Variants in KCNIP4 observed in about 807,000 individuals in gnomAD.
KCNIP4 encodes Kv channel-interacting protein 4.
Under a neutral mutation model 34.0 loss-of-function variants are expected in KCNIP4, and 12 were observed. The ratio of observed to expected loss-of-function variants is 0.35; its 90% CI spans 0.23 to 0.57. The LOEUF (loss-of-function observed/expected upper bound fraction) is 0.57, where lower values mean the gene tolerates loss of function less well. KCNIP4 is among the 20% of genes least tolerant of loss of function. The pLI is 0.83. For missense variants in KCNIP4, 238 were observed against 311.7 expected (o/e 0.76, Z 1.78); for synonymous variants, 124 against 102.2 (o/e 1.21, Z -1.29).
At chr4:21,686,600 A>C (rs1013755426) in intron 1 of KCNIP4, among the ~76,000 whole-genome samples, 1 of 152,202 alleles carries the variant, frequency 6.6e-6, no homozygotes, top group Admixed American at 6.5e-5. Context: ...TTTTTAAATA[A>C]ATGAGCAAAT....
chr4:20,748,267 G>A (rs1187434740), intron 5 of KCNIP4, among the ~76,000 whole-genome samples: 1 of 151,876 alleles, frequency 6.6e-6, no homozygotes, highest in Non-Finnish European at 1.5e-5. Flanking sequence ...TGATTTACAC[G>A]TTTCCCTTGG....
intron 1 of KCNIP4, among the ~76,000 whole-genome samples, chr4:21,833,539 G>T (rs1254519053): frequency 3.3e-5 from 5 of 152,100 alleles, no homozygotes; most frequent in Admixed American, 1.3e-4. Flanking sequence ...CATTTTGTAG[G>T]TTGCCTGTTC....
chr4:21,433,253 C>G (rs1726650994), intron 1 of KCNIP4, among the ~76,000 whole-genome samples: 1 of 152,124 alleles, frequency 6.6e-6, no homozygotes, highest in Non-Finnish European at 1.5e-5. Flanking sequence ...TAGTGATCAG[C>G]CATCAAAAGA....
At chr4:21,414,721 T>C (rs531658766) in intron 1 of KCNIP4, among the ~76,000 whole-genome samples, 17 of 152,186 alleles carry the variant, frequency 1.1e-4, no homozygotes, top group Non-Finnish European at 2.2e-4. Context: ...GAAAATGTGG[T>C]ACATACAATG....
At chr4:21,458,506 G>A (rs1311279746) in intron 1 of KCNIP4, among the ~76,000 whole-genome samples, 5 of 151,944 alleles carry the variant, frequency 3.3e-5, no homozygotes, top group Non-Finnish European at 7.4e-5. Flanking sequence ...ATGTCCCACC[G>A]AATAGCTCCC....
chr4:21,777,856 A>G (rs1448289143), intron 1 of KCNIP4, among the ~76,000 whole-genome samples: 1 of 152,196 alleles, frequency 6.6e-6, no homozygotes, highest in African/African-American at 2.4e-5. Context: ...CCTCTTATAT[A>G]CAGCCATTAA....
rs557659033 is a variant in KCNIP4 at position 20,766,013 on chromosome 4, G to A, written c.289-7123C>T. 7.2e-5 allele frequency among the ~76,000 whole-genome samples: 11 copies of A among 152,184 alleles called. No homozygotes were observed. In the South Asian group the frequency reaches 2.3e-3, roughly 32 times the overall value. On this transcript the variant is annotated intron_variant, in intron 3 of 8. Transcript: ENST00000382152. ...ATCAGCATAAAGTAATACTTTATTG[G>A]TATTGATATTTTATAATTATTAATG...
intron 4 of KCNIP4, among the ~76,000 whole-genome samples, chr4:20,755,952 T>A (rs531756370): frequency 6.6e-6 from 1 of 152,068 alleles, no homozygotes; most frequent in East Asian, 1.9e-4. Context: ...TAGCCACCAT[T>A]TGTAGGCCAC....
At chr4:21,321,660 C>G (rs1424279251) in intron 1 of KCNIP4, among the ~76,000 whole-genome samples, 6 of 90,100 alleles carry the variant, frequency 6.7e-5, no homozygotes, top group Non-Finnish European at 9.1e-5. Flanking sequence ...AAGGAAGAAA[C>G]AAGGAAGGAG....
chr4:21,072,360 T>C (rs573845690), intron 1 of KCNIP4, among the ~76,000 whole-genome samples: 1 of 152,186 alleles, frequency 6.6e-6, no homozygotes, highest in African/African-American at 2.4e-5. Flanking sequence ...TGGTATCTCA[T>C]TGTGGTTTTG....
At chr4:21,006,067 CAAGGTACACA>C (rs1447396371) in intron 1 of KCNIP4, among the ~76,000 whole-genome samples, 1 of 152,102 alleles carries the variant, frequency 6.6e-6, no homozygotes, top group Non-Finnish European at 1.5e-5. Context: ...CGCATCTCAA[CAAGGTACACA>C]AACCAGAATT....
At chr4:20,896,280 A>G (rs1726521295) in intron 1 of KCNIP4, among the ~76,000 whole-genome samples, 1 of 152,184 alleles carries the variant, frequency 6.6e-6, no homozygotes, top group Non-Finnish European at 1.5e-5. Context: ...TGGCCCCTGT[A>G]GGAATTTAAC....
chr4:21,871,149 A>G (rs1725772857), intron 1 of KCNIP4, among the ~76,000 whole-genome samples: 1 of 151,512 alleles, frequency 6.6e-6, no homozygotes, highest in African/African-American at 2.4e-5. Flanking sequence ...CATGTGCACA[A>G]CATGCAGGTT....
At chr4:20,956,459 T>G (rs1733314084) in intron 1 of KCNIP4, among the ~76,000 whole-genome samples, 1 of 151,868 alleles carries the variant, frequency 6.6e-6, no homozygotes, top group Non-Finnish European at 1.5e-5. Context: ...GAGCCGAGAT[T>G]GTGCCACTGA....
chr4:20,929,023 C>A (rs975080874), intron 1 of KCNIP4, among the ~76,000 whole-genome samples: 7 of 151,896 alleles, frequency 4.6e-5, no homozygotes, highest in Non-Finnish European at 8.8e-5. Context: ...GAAATACCTG[C>A]AAACACATTT....
chr4:21,238,676 G>A (rs1359842302), intron 1 of KCNIP4, among the ~76,000 whole-genome samples: 5 of 152,176 alleles, frequency 3.3e-5, no homozygotes, highest in African/African-American at 4.8e-5. Context: ...TACAAGGGAT[G>A]TGAAGAACCT....
At chr4:21,037,683 G>C (rs1487336157) in intron 1 of KCNIP4, among the ~76,000 whole-genome samples, 1 of 152,186 alleles carries the variant, frequency 6.6e-6, no homozygotes, top group Non-Finnish European at 1.5e-5. Context: ...AGTATCACAC[G>C]CGGTCTTTGC....
intron 1 of KCNIP4, among the ~76,000 whole-genome samples, chr4:21,626,336 C>G (rs531396115): frequency 6.6e-6 from 1 of 151,718 alleles, no homozygotes; most frequent in Admixed American, 6.6e-5. Flanking sequence ...GTCAGGTTCT[C>G]ATGATGGGAT....
chr4:21,170,306 T>C (rs1316984973), intron 1 of KCNIP4, among the ~76,000 whole-genome samples: 2 of 152,206 alleles, frequency 1.3e-5, no homozygotes, highest in Non-Finnish European at 2.9e-5. Flanking sequence ...AAAAATAGTG[T>C]ACTACTGAAT....
Sources: allele counts gnomAD v4.1 joint callset (sites outside exome capture counted in the v4.1 genomes callset), GRCh38; gene constraint gnomAD v4.1.1; transcripts MANE v1.5; gene names NCBI Gene and HGNC (gene_info 2026-07-23, HGNC 2026-07-21).